The following VPS13B variants were observed in gnomAD, a reference collection of about 807,000 sequenced individuals.
VPS13B encodes intermembrane lipid transfer protein VPS13B.
VPS13B carries 285 observed loss-of-function variants against 426.4 expected under a neutral mutation model. The observed-to-expected ratio is 0.67, with a 90% confidence interval of 0.61 to 0.74. The LOEUF (loss-of-function observed/expected upper bound fraction) is 0.74, where lower values mean the gene tolerates loss of function less well. Among genes scored for constraint, VPS13B ranks in the 30% least tolerant of loss-of-function variants. VPS13B has a pLI of 0.00. For missense variants in VPS13B, 4,537 were observed against 4,782.6 expected, an observed-to-expected ratio of 0.95 and a Z score of 1.51; for synonymous variants, 1,676 against 1,676.4, an observed-to-expected ratio of 1.00 and a Z score of 0.01.
At chr8:99,301,408 C>G (rs1820360551) in intron 19 of VPS13B, among the ~76,000 whole-genome samples, 1 of 151,886 alleles carries the variant, frequency 6.6e-6, no homozygotes, top group Non-Finnish European at 1.5e-5. Context: ...ATTCTCCTGC[C>G]TTAGCCTCCC....
chr8:99,460,350 A>T (rs1455855202), intron 23 of VPS13B, among the ~76,000 whole-genome samples: 1 of 152,088 alleles, frequency 6.6e-6, no homozygotes, highest in Non-Finnish European at 1.5e-5. Flanking sequence ...AATTATGGAA[A>T]ATTTGTTCTA....
rs151066942 is a variant in VPS13B, at chr8:99,420,194, T to C, written c.3083-11343T>C. On this transcript the variant is annotated intron_variant, in intron 21 of 61. Coordinates refer to ENST00000357162, the MANE Select transcript of VPS13B (RefSeq NM_152564.5). Reference sequence around the variant, plus strand: ...AACTGAATTATTACAGCTGAACAAATGTATCTTGACTTTTTGATATGATGA... The same window carrying C: ...AACTGAATTATTACAGCTGAACAAACGTATCTTGACTTTTTGATATGATGA... Among the ~76,000 whole-genome samples, 343 of 152,262 alleles carry C rather than the reference T, an allele frequency of 2.3e-3. 2 individuals carry two copies. The highest frequency in any genetic ancestry group is 8.1e-3 in the African/African-American group (335 of 41,576).
chr8:99,700,781 A>G (rs2130188867), intron 36 of VPS13B, among the ~76,000 whole-genome samples: 1 of 152,334 alleles, frequency 6.6e-6, no homozygotes, highest in South Asian at 2.1e-4. Flanking sequence ...GGCAAGACAC[A>G]GGTGGGAAAT....
chr8:99,805,074 A>G (rs925331994), intron 43 of VPS13B, among the ~76,000 whole-genome samples: 3 of 149,920 alleles, frequency 2.0e-5, no homozygotes, highest in African/African-American at 7.3e-5. Context: ...CAGAATATAT[A>G]TATATATATA....
chr8:99,151,571 T>G (rs975467927), intron 14 of VPS13B, among the ~76,000 whole-genome samples: 1 of 152,110 alleles, frequency 6.6e-6, no homozygotes, highest in East Asian at 1.9e-4. Flanking sequence ...TTCACTTTTG[T>G]TGCCCAGGCT....
chr8:99,461,563 G>T (rs1818834920), intron 23 of VPS13B, among the ~76,000 whole-genome samples: 1 of 151,924 alleles, frequency 6.6e-6, no homozygotes. Context: ...ATTTCTTTAA[G>T]GTTATCTAAT....
In VPS13B at chr8:99,539,901, A is replaced by G. The variant is rs556979933; in HGVS notation, c.4746-16549A>G. Among the ~76,000 whole-genome samples the G allele has an allele frequency of 1.8e-4, 27 of 146,474 alleles. No individual in the cohort carries two copies. The East Asian group carries it at 3.5e-3, about 19-fold the overall frequency. On this transcript the variant is annotated intron_variant, in intron 30 of 61. Transcript: ENST00000357162. ...AAAGGACTCATTTATTTCTATAAGC[A>G]TTTATATATATATATACACACATAT...
At chr8:99,471,725 C>T (rs370219929) in intron 24 of VPS13B, among the ~76,000 whole-genome samples, 12 of 152,096 alleles carry the variant, frequency 7.9e-5, no homozygotes, top group Admixed American at 2.6e-4. Flanking sequence ...AACTAATGCC[C>T]ATAGGCCAAA....
intron 3 of VPS13B, among the ~76,000 whole-genome samples, chr8:99,088,547 C>G (rs1845969398): frequency 6.6e-6 from 1 of 152,130 alleles, no homozygotes; most frequent in Non-Finnish European, 1.5e-5. Flanking sequence ...TAGACGTGTT[C>G]AATTTGAGGT....
At chr8:99,332,304 A>G (rs997853196) in intron 19 of VPS13B, among the ~76,000 whole-genome samples, 1 of 151,684 alleles carries the variant, frequency 6.6e-6, no homozygotes, top group South Asian at 2.1e-4. Context: ...ATTGGATTAA[A>G]TGATTATTTT....
chr8:99,096,635 A>G (rs1293999775), intron 4 of VPS13B, among the ~76,000 whole-genome samples: 2 of 151,902 alleles, frequency 1.3e-5, no homozygotes, highest in Non-Finnish European at 2.9e-5. Context: ...GTGCACCTGT[A>G]ATCTCAGCTA....
intron 19 of VPS13B, among the ~76,000 whole-genome samples, chr8:99,366,983 A>G (rs1812926280): frequency 6.6e-6 from 1 of 152,074 alleles, no homozygotes; most frequent in African/African-American, 2.4e-5. Flanking sequence ...TATTGTAGTT[A>G]TTGTCCTAGA....
intron 24 of VPS13B, among the ~76,000 whole-genome samples, chr8:99,467,962 T>C (rs1819198450): frequency 6.6e-6 from 1 of 152,194 alleles, no homozygotes; most frequent in Non-Finnish European, 1.5e-5. Context: ...AGTGTAATTT[T>C]CATTCAGATT....
intron 19 of VPS13B, among the ~76,000 whole-genome samples, chr8:99,318,368 G>A (rs1278144539): frequency 1.3e-5 from 2 of 152,082 alleles, no homozygotes; most frequent in Admixed American, 6.6e-5. Flanking sequence ...TAAAAATATA[G>A]CCTCTTTATG....
At chr8:99,211,713 G>T (rs997658536) in intron 17 of VPS13B, among the ~76,000 whole-genome samples, 1 of 151,956 alleles carries the variant, frequency 6.6e-6, no homozygotes, top group Non-Finnish European at 1.5e-5. Flanking sequence ...GGAGGCGGTG[G>T]TTGCAGTGAG....
At chr8:99,361,395 C>T (rs1195390912) in intron 19 of VPS13B, among the ~76,000 whole-genome samples, 1 of 152,164 alleles carries the variant, frequency 6.6e-6, no homozygotes, top group Non-Finnish European at 1.5e-5. Flanking sequence ...TTTGAAACTA[C>T]TCAACTCTGC....
chr8:99,597,898 C>G (rs1371379340), intron 33 of VPS13B, among the ~76,000 whole-genome samples: 1 of 151,988 alleles, frequency 6.6e-6, no homozygotes, highest in African/African-American at 2.4e-5. Flanking sequence ...ACACAATGGA[C>G]TTCAATGCTG....
At chr8:99,825,902 G>C (rs1453533181) in intron 51 of VPS13B, among the ~76,000 whole-genome samples, 1 of 152,092 alleles carries the variant, frequency 6.6e-6, no homozygotes, top group African/African-American at 2.4e-5. Flanking sequence ...TTATTTCTGA[G>C]GCCTCTGTTC....
Position 99,534,028 on chromosome 8 carries a change from A to G in VPS13B, c.4745+13018A>G, listed in dbSNP as rs566309271. Among the ~76,000 whole-genome samples, 31 of 152,340 alleles carry G rather than the reference A, an allele frequency of 2.0e-4. 1 individual carries two copies. The South Asian group carries it at 3.7e-3, about 18-fold the overall frequency. On this transcript the variant is annotated intron_variant, in intron 30 of 61. Transcript: ENST00000357162. ...CTGGTGACATTATGACCCTAATCCT[A>G]TAATGGTTAGTGTTGGTTTCAAATA...
Sources: allele counts gnomAD v4.1 joint callset (sites outside exome capture counted in the v4.1 genomes callset), GRCh38; gene constraint gnomAD v4.1.1; transcripts MANE v1.5; gene names NCBI Gene and HGNC (gene_info 2026-07-23, HGNC 2026-07-21).